Variants in PCDH7 observed in about 807,000 individuals in gnomAD.
PCDH7 encodes the protein protocadherin 7.
Under a neutral mutation model 58.9 loss-of-function variants are expected in PCDH7, and 17 were observed. The observed-to-expected ratio is 0.29, with a 90% CI of 0.20 to 0.43. The LOEUF is 0.43. Among genes scored for constraint, PCDH7 ranks in the 20% least tolerant of loss-of-function variants. The probability of loss-of-function intolerance (pLI) is 1.00; values close to 1 mark genes in which losing one functional copy is unlikely to be tolerated. For synonymous variants in PCDH7, 664 were observed against 616.4 expected (o/e 1.08, Z -1.14); for missense variants, 1,274 against 1,441.0 (o/e 0.88, Z 1.88).
At chr4:30,921,459 A>G in intron 2 of PCDH7, among the ~76,000 whole-genome samples, 1 of 152,138 alleles carries the variant, frequency 6.6e-6, no homozygotes, top group East Asian at 1.9e-4. Flanking sequence ...AAGTTTACCT[A>G]TGAATATTAA....
chr4:30,843,046 T>C (rs1024182106), intron 1 of PCDH7, among the ~76,000 whole-genome samples: 8 of 151,934 alleles, frequency 5.3e-5, no homozygotes, highest in African/African-American at 1.9e-4. Flanking sequence ...TCAATGTTAT[T>C]GAATAAACAA....
At chr4:31,069,362 G>GTACCTCA (rs1560619477) in intron 3 of PCDH7, among the ~76,000 whole-genome samples, 1 of 150,962 alleles carries the variant, frequency 6.6e-6, no homozygotes. Flanking sequence ...AGTCTCCCTG[G>GTACCTCA]TGCCTCATGC....
At chr4:30,837,256 C>T (rs915200655) in intron 1 of PCDH7, among the ~76,000 whole-genome samples, 1 of 152,086 alleles carries the variant, frequency 6.6e-6, no homozygotes, top group Non-Finnish European at 1.5e-5. Context: ...TGGCCACCTG[C>T]AGTGTGTGGT....
chr4:30,888,149 C>G (rs191710264), intron 1 of PCDH7, among the ~76,000 whole-genome samples: 3 of 152,252 alleles, frequency 2.0e-5, no homozygotes, highest in Admixed American at 6.5e-5. Flanking sequence ...TCTAGGATTA[C>G]AGGCGTGAGC....
chr4:30,775,204 C>T (rs1263931551), intron 1 of PCDH7, among the ~76,000 whole-genome samples: 5 of 152,156 alleles, frequency 3.3e-5, no homozygotes, highest in Non-Finnish European at 7.3e-5. Context: ...ACACCATAAG[C>T]AGTCTTGGCT....
intron 2 of PCDH7, among the ~76,000 whole-genome samples, chr4:30,948,992 A>G (rs1747041879): frequency 6.6e-6 from 1 of 152,132 alleles, no homozygotes; most frequent in Non-Finnish European, 1.5e-5. Context: ...ATTGGGATTA[A>G]AGGTTAGATT....
intron 3 of PCDH7, among the ~76,000 whole-genome samples, chr4:31,129,176 A>G (rs150692963): frequency 1.1e-3 from 165 of 152,204 alleles, no homozygotes; most frequent in African/African-American, 3.8e-3. Flanking sequence ...GCCCATAGAG[A>G]GTGATATTTA....
chr4:30,798,017 T>C (rs528220841), intron 1 of PCDH7, among the ~76,000 whole-genome samples: 1 of 152,328 alleles, frequency 6.6e-6, no homozygotes, highest in South Asian at 2.1e-4. Context: ...ATCTACTATA[T>C]TGCTGGAATT....
chr4:30,758,951 T>G (rs1055351705), intron 1 of PCDH7, among the ~76,000 whole-genome samples: 29 of 149,274 alleles, frequency 1.9e-4, no homozygotes, highest in African/African-American at 7.2e-4. Flanking sequence ...TTTTTTTTTT[T>G]TTTTTTTTGT....
chr4:30,906,731 G>C (rs1219588336), intron 1 of PCDH7, among the ~76,000 whole-genome samples: 1 of 152,134 alleles, frequency 6.6e-6, no homozygotes, highest in Non-Finnish European at 1.5e-5. Flanking sequence ...TTAAAAATAA[G>C]TAGATTATGG....
chr4:30,824,976 G>A (rs1379849193), intron 1 of PCDH7, among the ~76,000 whole-genome samples: 1 of 152,074 alleles, frequency 6.6e-6, no homozygotes, highest in Non-Finnish European at 1.5e-5. Flanking sequence ...TGGTGAAAGA[G>A]GGATGAGGTG....
At chr4:31,080,290 T>A (rs74287297) in intron 3 of PCDH7, among the ~76,000 whole-genome samples, 1 of 149,036 alleles carries the variant, frequency 6.7e-6, no homozygotes, top group East Asian at 2.0e-4. Flanking sequence ...GTTTTTTTTT[T>A]AACTAGCATA....
At chr4:30,927,253 T>C (rs1037244287) in intron 2 of PCDH7, among the ~76,000 whole-genome samples, 8 of 152,312 alleles carry the variant, frequency 5.3e-5, no homozygotes, top group African/African-American at 1.7e-4. Context: ...ATAGATTACA[T>C]ATAATTCTAT....
chr4:30,863,065 G>A (rs775830476), intron 1 of PCDH7, among the ~76,000 whole-genome samples: 5 of 152,082 alleles, frequency 3.3e-5, no homozygotes, highest in Non-Finnish European at 5.9e-5. Context: ...CAATAAATGT[G>A]TTCCCTTTGC....
At chr4:31,058,139 A>G (rs1345131406) in intron 3 of PCDH7, among the ~76,000 whole-genome samples, 1 of 152,016 alleles carries the variant, frequency 6.6e-6, no homozygotes, top group African/African-American at 2.4e-5. Context: ...TGACACAACC[A>G]AAAAAATTAA....
At chr4:30,763,854 T>C in intron 1 of PCDH7, among the ~76,000 whole-genome samples, 1 of 152,298 alleles carries the variant, frequency 6.6e-6, no homozygotes, top group East Asian at 1.9e-4. Context: ...TTTTGAACAT[T>C]AATTCACTGT....
chr4:30,819,168 A>G (rs1259308708), intron 1 of PCDH7, among the ~76,000 whole-genome samples: 2 of 152,186 alleles, frequency 1.3e-5, no homozygotes, highest in Non-Finnish European at 2.9e-5. Flanking sequence ...AAAGTCTTCT[A>G]GAAATTTCCC....
chr4:30,736,471 A>G (rs1189234000), downstream of PCDH7, among the ~76,000 whole-genome samples: 1 of 150,852 alleles, frequency 6.6e-6, no homozygotes, highest in Non-Finnish European at 1.5e-5. Flanking sequence ...TAGGCCTGTG[A>G]TTTTTATCTG....
At chr4:31,011,602 G>C (rs1232407923) in intron 3 of PCDH7, among the ~76,000 whole-genome samples, 1 of 151,940 alleles carries the variant, frequency 6.6e-6, no homozygotes, top group Non-Finnish European at 1.5e-5. Flanking sequence ...GCTGATGTGG[G>C]ACCCATAGAA....
Sources: allele counts gnomAD v4.1 joint callset (sites outside exome capture counted in the v4.1 genomes callset), GRCh38; gene constraint gnomAD v4.1.1; transcripts MANE v1.5; gene names NCBI Gene and HGNC (gene_info 2026-07-23, HGNC 2026-07-21).